Variants in MYH10 observed in about 807,000 individuals in gnomAD.
MYH10 encodes the protein myosin-10.
A neutral mutation model predicts 257.8 loss-of-function variants in MYH10; 55 were observed. The observed-to-expected ratio is 0.21, with a 90% CI of 0.17 to 0.27. The LOEUF (loss-of-function observed/expected upper bound fraction) is 0.27, where lower values mean the gene tolerates loss of function less well. Among genes scored for constraint, MYH10 ranks in the 10% least tolerant of loss-of-function variants. MYH10 has a pLI of 1.00. For synonymous variants in MYH10, 854 were observed against 921.7 expected (o/e 0.93, Z 1.33); for missense variants, 1,631 against 2,500.6 (o/e 0.65, Z 7.42).
Position 8,476,983 on chromosome 17 carries a change from C to T in MYH10, c.5772G>A (p.Ala1924=), listed in dbSNP as rs147471775. Residue 1924 remains alanine (A), a synonymous_variant, in exon 42 of 43, where the codon GCG becomes GCA. Coordinates refer to ENST00000360416, the MANE Select transcript of MYH10 (RefSeq NM_001256012.3). ...TACGCCGAGATGCGTTGGCACGCGT[C>T]GCTTCTTCTTCTGCTTCCTCCAGCT... The part of the protein sequence containing the change: ...KRQLEEAEEE[A]TRANASRRKL... 152 of 1,614,164 alleles carry T rather than the reference C, an allele frequency of 9.4e-5. 1 individual carries two copies. In the African/African-American group the frequency reaches 1.4e-3, roughly 15 times the overall value.
intron 4 of MYH10, among the ~76,000 whole-genome samples, chr17:8,585,774 T>C (rs528721393): frequency 2.0e-5 from 3 of 152,266 alleles, no homozygotes; most frequent in East Asian, 3.9e-4. Flanking sequence ...GTTTGGGTTA[T>C]ACAAGGACTT....
chr17:8,518,400 C>G (rs1184902139), intron 21 of MYH10, among the ~76,000 whole-genome samples: 1 of 152,150 alleles, frequency 6.6e-6, no homozygotes, highest in Non-Finnish European at 1.5e-5. Context: ...TCCCAAAGTG[C>G]TGGGATTACA....
chr17:8,486,105 T>C (rs1356855958), intron 36 of MYH10, among the ~76,000 whole-genome samples: 1 of 152,208 alleles, frequency 6.6e-6, no homozygotes, highest in Admixed American at 6.5e-5. Context: ...TCCACTGATA[T>C]GAAATATGGA....
chr17:8,565,551 C>T (rs1229793459), intron 7 of MYH10, among the ~76,000 whole-genome samples: 1 of 152,118 alleles, frequency 6.6e-6, no homozygotes, highest in African/African-American at 2.4e-5. Flanking sequence ...CCAAAGTAAA[C>T]AATTTAAAGA....
At chr17:8,546,433 C>A in intron 12 of MYH10, 111 bp downstream of exon 12, 2 of 791,276 alleles carry the variant, frequency 2.5e-6, no homozygotes, top group Non-Finnish European at 2.0e-6. Context: ...CTAAAAACAC[C>A]CATGTAAGAC....
intron 5 of MYH10, 88 bp downstream of exon 5, chr17:8,577,148 G>T (rs2083529245): frequency 1.0e-6 from 1 of 987,634 alleles, no homozygotes; most frequent in South Asian, 1.6e-5. Flanking sequence ...AGTTATAGCA[G>T]TGTGGAGAGT....
intron 14 of MYH10, among the ~76,000 whole-genome samples, chr17:8,540,023 G>A (rs1340750201): frequency 1.3e-5 from 2 of 152,122 alleles, no homozygotes; most frequent in African/African-American, 2.4e-5. Flanking sequence ...AGGGTCTCAC[G>A]CTGTCGCCTA....
intron 7 of MYH10, among the ~76,000 whole-genome samples, chr17:8,556,744 A>G (rs1393861994): frequency 6.6e-6 from 1 of 152,206 alleles, no homozygotes; most frequent in Non-Finnish European, 1.5e-5. Context: ...GTACACTGAA[A>G]AAGGTGAATT....
At chr17:8,589,487 G>A (rs1307460985) in intron 3 of MYH10, among the ~76,000 whole-genome samples, 2 of 152,106 alleles carry the variant, frequency 1.3e-5, no homozygotes, top group Non-Finnish European at 1.5e-5. Flanking sequence ...CTGGGAGATG[G>A]GGATTAAAAA....
At chr17:8,522,063 C>T (rs1014552473) in intron 17 of MYH10, among the ~76,000 whole-genome samples, 2 of 152,200 alleles carry the variant, frequency 1.3e-5, no homozygotes, top group African/African-American at 4.8e-5. Context: ...AAACAGTACA[C>T]CAGCCACAAG....
intron 6 of MYH10, 82 bp downstream of exon 6, chr17:8,576,561 T>C (rs2083504111): frequency 4.4e-6 from 6 of 1,352,048 alleles, no homozygotes; most frequent in Non-Finnish European, 6.2e-6. Flanking sequence ...ACTAGTGGCA[T>C]TTGATTCTAG....
chr17:8,549,527 T>C (rs542279016), intron 9 of MYH10, among the ~76,000 whole-genome samples: 1 of 152,312 alleles, frequency 6.6e-6, no homozygotes, highest in Admixed American at 6.5e-5. Flanking sequence ...GATATGCAAA[T>C]ATGCTCCCAG....
chr17:8,625,367 G>A (rs748063918), intron 1 of MYH10, among the ~76,000 whole-genome samples: 5 of 152,064 alleles, frequency 3.3e-5, no homozygotes, highest in Admixed American at 6.5e-5. Context: ...CTATAGTAGC[G>A]GCTGTCAAAT....
Position 8,513,980 on chromosome 17 carries a change from GTTC to G in MYH10, c.2505-89_2505-87del. On this transcript the variant is annotated intron_variant, in intron 21 of 42. Coordinates refer to ENST00000360416, the MANE Select transcript of MYH10 (RefSeq NM_001256012.3). Reference sequence around the variant, plus strand: ...ATAAGAAGCCTTTCTAAAGGCCCGTGTTCTTCTTTGTCTAGGATAGGGAATGAT... The same window carrying G: ...ATAAGAAGCCTTTCTAAAGGCCCGTGTTCTTTGTCTAGGATAGGGAATGAT... The G allele has an allele frequency of 7.1e-6, 8 of 1,120,226 alleles. No homozygotes were observed. The South Asian group carries it at 9.7e-5, about 14-fold the overall frequency. The allele number at this position is 1,120,226 out of a possible 1,614,324, so 69.4% of individuals were successfully genotyped here. A position where few individuals can be genotyped will look rare whatever the true frequency, so the allele number is the denominator to read the frequency against.
chr17:8,592,865 A>C, intron 3 of MYH10, among the ~76,000 whole-genome samples: 1 of 135,908 alleles, frequency 7.4e-6, no homozygotes, highest in Non-Finnish European at 1.6e-5. Flanking sequence ...AAAGAAAACC[A>C]CATATAAATA....
intron 1 of MYH10, among the ~76,000 whole-genome samples, chr17:8,626,344 T>C (rs533452546): frequency 2.0e-4 from 31 of 152,160 alleles, no homozygotes; most frequent in Non-Finnish European, 2.9e-4. Context: ...GGCAGGTAGA[T>C]TGCTCGAGTC....
At position 8,475,742 on chromosome 17, in the gene MYH10, A is replaced by C; in HGVS notation, c.*62T>G. The stretch of plus-strand genomic sequence containing the variant: ...TAGCTTGCCAATTTCCGAAATCTGC[A>C]GGAGGCCCCGGGTGCATTCCTAACT... On this transcript the variant is annotated 3_prime_UTR_variant, in exon 43 of 43. Coordinates refer to ENST00000360416, the MANE Select transcript of MYH10 (RefSeq NM_001256012.3). 3 of 1,559,010 alleles carry C rather than the reference A, an allele frequency of 1.9e-6. No individual in the cohort carries two copies. Among genetic ancestry groups the C allele is most frequent in the Non-Finnish European group, 2.6e-6 (3 of 1,148,918 alleles).
chr17:8,612,733 C>A (rs1257086507), intron 2 of MYH10, among the ~76,000 whole-genome samples: 3 of 152,030 alleles, frequency 2.0e-5, no homozygotes, highest in Non-Finnish European at 4.4e-5. Flanking sequence ...CGCCTGTAAT[C>A]CCCGCTACTC....
Position 8,535,948 on chromosome 17 carries a change from A to G in MYH10, c.1606-17T>C. ...AGGGTTCGCCTGATAATGACAGGCA[A>G]TAAGAATTCACAAGTTTTGCATGCC... On this transcript the variant is annotated splice_polypyrimidine_tract_variant and intron_variant, in intron 14 of 42. Transcript: ENST00000360416. The surrounding 1 kb of genome is among the most constrained non-coding windows in gnomAD (Gnocchi z 4.3). 10 of 1,605,700 alleles carry G rather than the reference A, an allele frequency of 6.2e-6. No individual in the cohort carries two copies. The highest frequency in any genetic ancestry group is 8.5e-6 in the Non-Finnish European group (10 of 1,175,184).
Sources: allele counts gnomAD v4.1 joint callset (sites outside exome capture counted in the v4.1 genomes callset), GRCh38; gene constraint gnomAD v4.1.1; non-coding constraint Gnocchi (gnomAD v3.1); transcripts MANE v1.5; gene names NCBI Gene and HGNC (gene_info 2026-07-23, HGNC 2026-07-21).